CCDC57: variants seen among roughly 807,000 people sequenced by gnomAD.
The protein encoded by CCDC57 is coiled-coil domain-containing protein 57.
In CCDC57, 118 loss-of-function variants were observed where a neutral mutation model predicts 118.9. The ratio of observed to expected loss-of-function variants is 0.99; its 90% CI spans 0.86 to 1.16. The LOEUF is 1.16. CCDC57 is among the 50% of genes most tolerant of loss of function. The probability of loss-of-function intolerance (pLI) is 0.00; values close to 1 mark genes in which losing one functional copy is unlikely to be tolerated. For synonymous variants in CCDC57, 527 were observed against 532.9 expected (o/e 0.99, Z 0.15); for missense variants, 1,300 against 1,320.7 (o/e 0.98, Z 0.24).
At chr17:82,188,646 G>A (rs1186997980) in intron 7 of CCDC57, among the ~76,000 whole-genome samples, 1 of 152,232 alleles carries the variant, frequency 6.6e-6, no homozygotes, top group East Asian at 1.9e-4. Context: ...AGAGCCCACA[G>A]CCCCCTGGAG....
chr17:82,184,023 G>GCACACACACACACACA (rs1321084849), intron 8 of CCDC57, 91 bp from the exon 8 acceptor site: 1 of 382,560 alleles, frequency 2.6e-6, no homozygotes, highest in Non-Finnish European at 4.7e-6. Context: ...ACATGCGCGC[G>GCACACACACACACACA]CGCGCGCGCA....
intron 16 of CCDC57, among the ~76,000 whole-genome samples, chr17:82,144,076 CA>C (rs2040392086): frequency 1.3e-5 from 2 of 151,166 alleles, no homozygotes; most frequent in South Asian, 4.2e-4. Flanking sequence ...CAAAACAAAA[CA>C]AAAAACAGCT....
rs376632244 is a variant in CCDC57, at chr17:82,107,837, A to T, written c.2900-5971T>A. ...CTGCCTCAGCTGCTCTCAGCATCCTACAGTGCCATCGGGTGCTCTCAGGAC... is the reference window on the plus strand; with the variant it reads ...CTGCCTCAGCTGCTCTCAGCATCCTTCAGTGCCATCGGGTGCTCTCAGGAC... On this transcript the variant is annotated intron_variant, in intron 19 of 19. Transcript: ENST00000665763. Among the ~76,000 whole-genome samples the T allele has an allele frequency of 2.0e-5, 3 of 152,258 alleles. No homozygotes were observed. The East Asian group carries it at 5.8e-4, about 29-fold the overall frequency.
At chr17:82,106,758 C>T (rs571151797) in intron 19 of CCDC57, among the ~76,000 whole-genome samples, 4 of 152,302 alleles carry the variant, frequency 2.6e-5, no homozygotes, top group African/African-American at 7.2e-5. Context: ...GGTGTTTAGA[C>T]GACTCGTGGT....
At chr17:82,126,849 T>G (rs1468701675) in intron 19 of CCDC57, 12 of 985,130 alleles carry the variant, frequency 1.2e-5, no homozygotes, top group Non-Finnish European at 1.3e-5. Context: ...AGAGAATGAT[T>G]AAATGAATGA....
chr17:82,181,708 C>T (rs763926749), intron 9 of CCDC57, among the ~76,000 whole-genome samples: 28 of 152,114 alleles, frequency 1.8e-4, no homozygotes, highest in Non-Finnish European at 2.9e-4. Context: ...TAAAGGCAAC[C>T]GTGCACATAA....
At chr17:82,183,382 A>G (rs548031458) in intron 9 of CCDC57, among the ~76,000 whole-genome samples, 1 of 152,134 alleles carries the variant, frequency 6.6e-6, no homozygotes, top group Admixed American at 6.5e-5. Context: ...ATGGGGTCTC[A>G]CTATGTTAAC....
At chr17:82,141,779 G>A (rs151101904) in intron 16 of CCDC57, among the ~76,000 whole-genome samples, 2 of 152,178 alleles carry the variant, frequency 1.3e-5, no homozygotes, top group Non-Finnish European at 2.9e-5. Flanking sequence ...TGATGCCCGG[G>A]GAAAAAACAC....
At chr17:82,109,816 C>A (rs951451123) in intron 19 of CCDC57, among the ~76,000 whole-genome samples, 17 of 151,218 alleles carry the variant, frequency 1.1e-4, no homozygotes, top group African/African-American at 4.1e-4. Context: ...GAGATCGCGC[C>A]ACCGCACTCC....
intron 16 of CCDC57, among the ~76,000 whole-genome samples, chr17:82,146,690 C>T (rs1322581874): frequency 6.6e-6 from 1 of 152,248 alleles, no homozygotes; most frequent in African/African-American, 2.4e-5. Flanking sequence ...AATCGACAAA[C>T]TTCCATTGAG....
At chr17:82,134,435 G>A (rs1433349891) in intron 16 of CCDC57, 5 of 363,960 alleles carry the variant, frequency 1.4e-5, no homozygotes, top group East Asian at 4.0e-5. Flanking sequence ...TCCTCACAGC[G>A]GGGGCAGCAA....
chr17:82,132,858 C>T (rs2038614780), intron 17 of CCDC57, among the ~76,000 whole-genome samples: 1 of 146,000 alleles, frequency 6.8e-6, no homozygotes. Flanking sequence ...CTCCTGGGTT[C>T]AAGCAATTCT....
At chr17:82,196,178 G>T (rs2048281421) in intron 4 of CCDC57, among the ~76,000 whole-genome samples, 1 of 152,138 alleles carries the variant, frequency 6.6e-6, no homozygotes, top group Non-Finnish European at 1.5e-5. Context: ...TGCTGGGCAG[G>T]ACCACCCACA....
intron 17 of CCDC57, among the ~76,000 whole-genome samples, chr17:82,133,026 G>A (rs1240592050): frequency 6.6e-6 from 1 of 151,984 alleles, no homozygotes; most frequent in Admixed American, 6.5e-5. Context: ...CCAAAGTGCT[G>A]GGATTATAGG....
Position 82,134,371 on chromosome 17 carries a change from G to A in CCDC57, c.2456-177C>T, listed in dbSNP as rs117387124. The A allele has an allele frequency of 6.1e-3, 2,982 of 491,178 alleles. 17 individuals carry two copies. Among genetic ancestry groups the A allele is most frequent in the African/African-American group, 7.8e-3 (395 of 50,408 alleles). The allele number at this position is 491,178 out of a possible 1,614,324, so 30.4% of individuals were successfully genotyped here. A position where few individuals can be genotyped will look rare whatever the true frequency, so the allele number is the denominator to read the frequency against. On this transcript the variant is annotated intron_variant, in intron 16 of 19. Transcript: ENST00000665763. ...AGTGAACTGTGACACACAGCATTTC[G>A]GTAGAGCTCTTGCACACACAATGCC... is the stretch of plus-strand genomic sequence containing the variant.
At chr17:82,179,234 C>A (rs367915754) in intron 9 of CCDC57, 45 bp from the exon 9 acceptor site, 1 of 1,574,656 alleles carries the variant, frequency 6.4e-7, no homozygotes, top group East Asian at 2.2e-5. Context: ...TCCTGAGGTC[C>A]CTTCCACAGG....
intron 19 of CCDC57, among the ~76,000 whole-genome samples, chr17:82,103,393 A>G (rs1456614974): frequency 6.6e-6 from 1 of 151,948 alleles, no homozygotes; most frequent in East Asian, 1.9e-4. Flanking sequence ...CCTCCTCTTC[A>G]CACAAAGGCT....
At chr17:82,164,568 C>T (rs2043753699) in intron 13 of CCDC57, among the ~76,000 whole-genome samples, 1 of 152,016 alleles carries the variant, frequency 6.6e-6, no homozygotes, top group Non-Finnish European at 1.5e-5. Context: ...AAAATAGAAG[C>T]AAATGACCAA....
chr17:82,141,950 A>G (rs2040071074), intron 16 of CCDC57, among the ~76,000 whole-genome samples: 1 of 152,138 alleles, frequency 6.6e-6, no homozygotes, highest in Non-Finnish European at 1.5e-5. Flanking sequence ...TACCACTGAT[A>G]GGCATGCGGA....
Sources: gnomAD v4.1 joint callset for allele counts (sites outside exome capture counted in the v4.1 genomes callset) on GRCh38, gnomAD v4.1.1 for gene constraint, MANE v1.5 for transcripts, NCBI Gene and HGNC (gene_info 2026-07-23, HGNC 2026-07-21) for gene names.